Variants in ZNF620 observed in about 807,000 individuals in gnomAD.
The protein encoded by ZNF620 is zinc finger protein 620.
In ZNF620, 10 loss-of-function variants were observed where a neutral mutation model predicts 13.3. That is an observed-to-expected ratio of 0.75 (90% CI 0.46 to 1.28). The LOEUF is 1.28. Ranked by LOEUF, ZNF620 falls within the 50% of genes most tolerant of loss-of-function variation. ZNF620 has a pLI of 0.00. For synonymous variants in ZNF620, 166 were observed against 177.6 expected, an observed-to-expected ratio of 0.93 and a Z score of 0.52; for missense variants, 461 against 500.2, an observed-to-expected ratio of 0.92 and a Z score of 0.75.
At chr3:40,513,562 C>G (rs1698277318) in intron 4 of ZNF620, among the ~76,000 whole-genome samples, 1 of 151,110 alleles carries the variant, frequency 6.6e-6, no homozygotes, top group African/African-American at 2.4e-5. Flanking sequence ...TCGGTTGAAC[C>G]TGGGGAGTGG....
chr3:40,510,352 G>A (rs904063749), intron 2 of ZNF620, among the ~76,000 whole-genome samples: 2 of 152,108 alleles, frequency 1.3e-5, no homozygotes, highest in African/African-American at 2.4e-5. Flanking sequence ...TGTTTAGTCT[G>A]TTGCCATCTC....
rs10550548 is a variant in ZNF620, at chr3:40,515,780, TTGTGTGTGTGTGTG to T, written c.266-53_266-40del. The T allele has an allele frequency of 2.0e-3, 1,856 of 941,152 alleles. 10 individuals carry two copies. In the African/African-American group the frequency reaches 0.026, roughly 13 times the overall value. 58.3% of individuals were successfully genotyped at this position (941,152 alleles called of 1,614,324 possible). On this transcript the variant is annotated intron_variant, in intron 4 of 4. Transcript: ENST00000314529. ...TTCTGTTTCTTCTTCAGCACAGATA[TTGTGTGTGTGTGTG>T]TGTGTGTGTGTGTGTGTGTGTGTGT... is the stretch of plus-strand genomic sequence containing the variant.
At chr3:40,510,233 G>C (rs569223864) in intron 2 of ZNF620, among the ~76,000 whole-genome samples, 3 of 152,058 alleles carry the variant, frequency 2.0e-5, no homozygotes, top group Non-Finnish European at 2.9e-5. Context: ...GGCTGGTCTC[G>C]AACTTCTGAG....
At position 40,517,054 on chromosome 3, in the gene ZNF620, A is replaced by T. The variant is rs538295047; in HGVS notation, c.*191A>T. 3.4e-5 allele frequency: 17 copies of T among 506,666 alleles called. No homozygotes were observed. In the Admixed American group the frequency reaches 3.8e-4, roughly 11 times the overall value. 31.4% of individuals were successfully genotyped at this position (506,666 alleles called of 1,614,324 possible). On this transcript the variant is annotated 3_prime_UTR_variant, in exon 5 of 5. Transcript: ENST00000314529. Reference sequence around the variant, plus strand: ...AGAGAAGACCAAAAAACAAACAAACAAACTTAGAAACATAAAAGGAAATGT... The same window carrying T: ...AGAGAAGACCAAAAAACAAACAAACTAACTTAGAAACATAAAAGGAAATGT...
rs375716156 is a variant in ZNF620, at chr3:40,518,690, C to T, written c.*1827C>T. 2 of 147,876 alleles carry T rather than the reference C, an allele frequency of 1.4e-5. No individual in the cohort carries two copies. The highest frequency in any genetic ancestry group is 2.5e-5 in the African/African-American group (1 of 39,946). 9.2% of individuals were successfully genotyped at this position (147,876 alleles called of 1,614,324 possible). On this transcript the variant is annotated 3_prime_UTR_variant, in exon 5 of 5. Transcript: ENST00000314529. ...GAGCCAAGATCATGCCACTGCACTC[C>T]AGTCTGGGTGACAGATTGAGACTCC...
chr3:40,507,948 T>C (rs918752297), intron 2 of ZNF620, among the ~76,000 whole-genome samples: 2 of 152,198 alleles, frequency 1.3e-5, no homozygotes, highest in Non-Finnish European at 2.9e-5. Context: ...TTTGGTAACT[T>C]GTGCCTTTCA....
chr3:40,507,312 G>A (rs1310899234), intron 2 of ZNF620, among the ~76,000 whole-genome samples: 1 of 151,942 alleles, frequency 6.6e-6, no homozygotes, highest in Admixed American at 6.6e-5. Flanking sequence ...GGATGGTCTC[G>A]ATCCCTTGAC....
chr3:40,512,647 C>CT (rs1355412662), intron 4 of ZNF620, 132 bp downstream of exon 4: 2 of 667,568 alleles, frequency 3.0e-6, no homozygotes, highest in African/African-American at 3.7e-5. Flanking sequence ...ATGTGATTCT[C>CT]TGAGTTCATG....
intron 2 of ZNF620, 29 bp from the exon 3 acceptor site, chr3:40,511,441 A>G: frequency 6.2e-7 from 1 of 1,608,410 alleles, no homozygotes; most frequent in Non-Finnish European, 8.5e-7. Context: ...GCCCTCACAC[A>G]GGGTTTGAGC....
chr3:40,509,725 C>T (rs1484225654), intron 2 of ZNF620, among the ~76,000 whole-genome samples: 2 of 152,172 alleles, frequency 1.3e-5, no homozygotes, highest in Admixed American at 1.3e-4. Context: ...GCCCTCTCCT[C>T]TCTGGCATTC....
At chr3:40,507,862 C>A (rs1698076359) in intron 2 of ZNF620, among the ~76,000 whole-genome samples, 1 of 152,120 alleles carries the variant, frequency 6.6e-6, no homozygotes, top group African/African-American at 2.4e-5. Flanking sequence ...AAATTGGGCT[C>A]AAGCAATCCT....
rs748285369 is a variant in ZNF620 at position 40,511,464 on chromosome 3, T to G, written c.25-6T>G. ...ACAGGGTTTGAGCAGGAACTTGTTG[T>G]TTTAGGAACCAGTGACCTTTGAGGA... On this transcript the variant is annotated splice_region_variant and splice_polypyrimidine_tract_variant and intron_variant, in intron 2 of 4. Transcript: ENST00000314529. The G allele has an allele frequency of 6.2e-7, 1 of 1,612,286 alleles. No individual in the cohort carries two copies. Among genetic ancestry groups the G allele is most frequent in the African/African-American group, 1.3e-5 (1 of 74,832 alleles).
At chr3:40,506,258 G>C (rs1277818267) in intron 1 of ZNF620, 46 bp from the exon 2 acceptor site, 1 of 1,520,014 alleles carries the variant, frequency 6.6e-7, no homozygotes, top group African/African-American at 1.4e-5. Context: ...TTTGCGGGGT[G>C]CGAGGCAGCA....
At position 40,517,179 on chromosome 3, in the gene ZNF620, T is replaced by C. The variant is rs1698417753; in HGVS notation, c.*316T>C. 1 of 193,860 alleles carries C rather than the reference T, an allele frequency of 5.2e-6. No homozygotes were observed. The highest frequency in any genetic ancestry group is 1.0e-5 in the Non-Finnish European group (1 of 95,400). 12.0% of individuals were successfully genotyped at this position (193,860 alleles called of 1,614,324 possible). A position where few individuals can be genotyped will look rare whatever the true frequency, so the allele number is the denominator to read the frequency against. ...GCTGTGAATTATGAAAACACCAAGT[T>C]TGAATAAGAGGATCATGGAGAAAAA... On this transcript the variant is annotated 3_prime_UTR_variant, in exon 5 of 5. Transcript: ENST00000314529.
Position 40,507,449 on chromosome 3 carries a change from G to A in ZNF620, c.24+1073G>A, listed in dbSNP as rs900999081. ...CTTTCAAATATTAAACCAACTCTGC[G>A]GTGGGATAAAACCGACTTCGTCATG... On this transcript the variant is annotated intron_variant, in intron 2 of 4. Transcript: ENST00000314529. Among the ~76,000 whole-genome samples, 5 of 152,000 alleles carry A rather than the reference G, an allele frequency of 3.3e-5. No individual in the cohort carries two copies. In the South Asian group the frequency reaches 6.2e-4, roughly 19 times the overall value.
intron 4 of ZNF620, among the ~76,000 whole-genome samples, chr3:40,514,547 A>C (rs1174003595): frequency 1.3e-5 from 2 of 152,144 alleles, no homozygotes; most frequent in Non-Finnish European, 2.9e-5. Flanking sequence ...CCAGAGGCCC[A>C]GTAGGGCTGG....
At chr3:40,509,970 G>A (rs147730511) in intron 2 of ZNF620, among the ~76,000 whole-genome samples, 2 of 151,972 alleles carry the variant, frequency 1.3e-5, no homozygotes, top group African/African-American at 2.4e-5. Flanking sequence ...TTTCAGGCAG[G>A]AGGGGAAATC....
chr3:40,516,758 C>T lies in ZNF620; in HGVS notation c.1164C>T (p.Gly388=), dbSNP rs375097956. ...TLIQHQRVHT[G]EKPYECKVCG... The stretch of plus-strand genomic sequence containing the variant: ...TTCAGCACCAGCGAGTTCACACTGG[C>T]GAGAAACCTTATGAGTGTAAAGTGT... The change falls in exon 5 of 5, where the codon GGC becomes GGT. Residue 388 remains glycine, a synonymous_variant. Transcript: ENST00000314529. 78 of 1,614,150 alleles carry T rather than the reference C, an allele frequency of 4.8e-5. No individual in the cohort carries two copies. Among genetic ancestry groups the T allele is most frequent in the Non-Finnish European group, 4.2e-5 (49 of 1,180,038 alleles).
chr3:40,511,442 G>C (rs778750937), intron 2 of ZNF620, 28 bp from the exon 3 acceptor site: 2 of 1,609,478 alleles, frequency 1.2e-6, no homozygotes, highest in South Asian at 2.2e-5. Context: ...CCCTCACACA[G>C]GGTTTGAGCA....
Sources: gnomAD v4.1 joint callset for allele counts (sites outside exome capture counted in the v4.1 genomes callset) on GRCh38, gnomAD v4.1.1 for gene constraint, MANE v1.5 for transcripts, NCBI Gene and HGNC (gene_info 2026-07-23, HGNC 2026-07-21) for gene names.